The following CRYBG3 variants were observed in gnomAD, a reference collection of about 807,000 sequenced individuals.
CRYBG3 encodes crystallin beta-gamma domain containing 3.
A neutral mutation model predicts 244.2 loss-of-function variants in CRYBG3; 127 were observed. The ratio of observed to expected loss-of-function variants is 0.52; its 90% CI spans 0.45 to 0.60. The LOEUF (loss-of-function observed/expected upper bound fraction) is 0.60. Ranked by LOEUF, CRYBG3 falls within the 20% of genes least tolerant of loss-of-function variation. The probability of loss-of-function intolerance (pLI) is 0.00; values close to 1 mark genes in which losing one functional copy is unlikely to be tolerated. For missense variants in CRYBG3, 3,325 were observed against 3,442.5 expected, an observed-to-expected ratio of 0.97 and a Z score of 0.85; for synonymous variants, 1,132 against 1,195.8, an observed-to-expected ratio of 0.95 and a Z score of 1.10.
intron 11 of CRYBG3, among the ~76,000 whole-genome samples, chr3:97,894,629 G>C (rs528697315): frequency 6.6e-6 from 1 of 152,182 alleles, no homozygotes; most frequent in South Asian, 2.1e-4. Flanking sequence ...CTGAGTACAT[G>C]CTTATTGGAC....
In CRYBG3 at chr3:97,944,923, G is replaced by A; in HGVS notation, c.*1609G>A. ...ATTCTAAATGATACATTGGAATTGT[G>A]CCTTTTCTACCACACTGGATTAAAT... On this transcript the variant is annotated 3_prime_UTR_variant, in exon 22 of 22. Coordinates refer to ENST00000389622, the MANE Select transcript of CRYBG3 (RefSeq NM_153605.4). The A allele has an allele frequency of 3.8e-6, 1 of 263,908 alleles. No individual in the cohort carries two copies. The highest frequency in any genetic ancestry group is 7.1e-6 in the Non-Finnish European group (1 of 141,150). The allele number at this position is 263,908 out of a possible 1,614,324, so 16.3% of individuals were successfully genotyped here. A position where few individuals can be genotyped will look rare whatever the true frequency, so the allele number is the denominator to read the frequency against.
Position 97,855,696 on chromosome 3 carries a change from G to T in CRYBG3, c.217-8521G>T, listed in dbSNP as rs1001129313. On this transcript the variant is annotated intron_variant, in intron 2 of 21. Transcript: ENST00000389622. ...CAAAAGAGAGAAATTTTAAAGCTGG[G>T]CGTCCGGGGAAGACATCACATGTCG... is the stretch of plus-strand genomic sequence containing the variant. Among the ~76,000 whole-genome samples the T allele has an allele frequency of 2.0e-5, 3 of 152,134 alleles. No individual in the cohort carries two copies. The South Asian group carries it at 6.2e-4, about 31-fold the overall frequency.
chr3:97,936,440 G>C (rs942337367), intron 18 of CRYBG3, among the ~76,000 whole-genome samples: 3 of 152,062 alleles, frequency 2.0e-5, no homozygotes, highest in Admixed American at 1.3e-4. Flanking sequence ...CTAGGGGCAG[G>C]AGTGTGATTT....
In CRYBG3 at chr3:97,880,056, A is replaced by G. The variant is rs2039426898; in HGVS notation, c.6960A>G (p.Ser2320=). Reference sequence around the variant, plus strand: ...ACTGTAATATTCCTGATGCTACATCATGGTCTTTTCCAAATGGAGTTCTAA... The same window carrying G: ...ACTGTAATATTCCTGATGCTACATCGTGGTCTTTTCCAAATGGAGTTCTAA... ...EVYCNIPDAT[S]WSFPNGVLIK... is the part of the protein sequence containing the mutation. The change falls in exon 6 of 22, where the codon TCA becomes TCG. Residue 2320 remains serine (S), a synonymous_variant. Transcript: ENST00000389622. 6.2e-7 allele frequency: 1 copy of G among 1,602,136 alleles called. No homozygotes were observed. The highest frequency in any genetic ancestry group is 8.5e-7 in the Non-Finnish European group (1 of 1,172,474).
chr3:97,854,305 TTGCTTTGGCTA>T (rs1324135089), intron 2 of CRYBG3, among the ~76,000 whole-genome samples: 25 of 152,272 alleles, frequency 1.6e-4, no homozygotes, highest in African/African-American at 6.0e-4. Context: ...TTGCTTAGTC[TTGCTTTGGCTA>T]TGCTTTGGCT....
chr3:97,877,487 T>G lies in CRYBG3; in HGVS notation c.6293T>G (p.Ile2098Ser). 6.2e-7 allele frequency: 1 copy of G among 1,614,188 alleles called. No homozygotes were observed. ...IYEDDSSQEDILSSEVSPGHH... is the reference protein window; with the variant it reads ...IYEDDSSQEDSLSSEVSPGHH... ...GAGGATGACAGCTCACAGGAGGACA[T>G]TCTATCTAGTGAGGTTTCACCTGGT... is the stretch of plus-strand genomic sequence containing the variant. Residue 2098 changes from isoleucine to serine, a missense_variant, in exon 4 of 22, where the codon ATT becomes AGT. Coordinates refer to ENST00000389622, the MANE Select transcript of CRYBG3 (RefSeq NM_153605.4).
intron 1 of CRYBG3, among the ~76,000 whole-genome samples, chr3:97,839,230 A>G (rs1410511199): frequency 6.6e-6 from 1 of 152,130 alleles, no homozygotes; most frequent in Non-Finnish European, 1.5e-5. Context: ...GCTTGAGGTG[A>G]ACATGGTTCT....
rs1473936402 is a variant in CRYBG3, at chr3:97,888,332, T to C, written c.7290-9T>C. On this transcript the variant is annotated splice_polypyrimidine_tract_variant and intron_variant, in intron 8 of 21. Coordinates refer to ENST00000389622, the MANE Select transcript of CRYBG3 (RefSeq NM_153605.4). ...ATTATACTTTAACTAACTATCTATT[T>C]TTATATAGTTGGCTTGCCTACCCAG... 51 of 1,503,436 alleles carry C rather than the reference T, an allele frequency of 3.4e-5. No homozygotes were observed. The highest frequency in any genetic ancestry group is 4.7e-5 in the Non-Finnish European group (51 of 1,082,944). The allele number at this position is 1,503,436 out of a possible 1,614,324, so 93.1% of individuals were successfully genotyped here.
chr3:97,871,309 G>A (rs2039299416), intron 3 of CRYBG3, among the ~76,000 whole-genome samples: 1 of 152,208 alleles, frequency 6.6e-6, no homozygotes, highest in Admixed American at 6.5e-5. Context: ...TACATACTGA[G>A]TGTTTACTGT....
At chr3:97,886,911 T>C (rs1047863252) in intron 8 of CRYBG3, 144 bp downstream of exon 8, 2 of 648,646 alleles carry the variant, frequency 3.1e-6, no homozygotes, top group Non-Finnish European at 5.1e-6. Context: ...AAAGATTCTT[T>C]GGATCTAATT....
At chr3:97,924,036 AC>A (rs2040013534) in intron 17 of CRYBG3, among the ~76,000 whole-genome samples, 1 of 152,088 alleles carries the variant, frequency 6.6e-6, no homozygotes, top group Non-Finnish European at 1.5e-5. Flanking sequence ...CACTTATCCT[AC>A]CAAGTATATA....
In CRYBG3 at chr3:97,839,192, A is replaced by G. The variant is rs527711763; in HGVS notation, c.150-4003A>G. ...AAGGGGGTTAAATTGTGAGCAAACAATAGGAACAGATTGTGGTCTCTCATG... is the reference window on the plus strand; with the variant it reads ...AAGGGGGTTAAATTGTGAGCAAACAGTAGGAACAGATTGTGGTCTCTCATG... On this transcript the variant is annotated intron_variant, in intron 1 of 21. Coordinates refer to ENST00000389622, the MANE Select transcript of CRYBG3 (RefSeq NM_153605.4). Among the ~76,000 whole-genome samples, 35 of 152,298 alleles carry G rather than the reference A, an allele frequency of 2.3e-4. No individual in the cohort carries two copies. In the South Asian group the frequency reaches 6.0e-3, roughly 26 times the overall value.
At position 97,852,920 on chromosome 3, in the gene CRYBG3, A is replaced by C. The variant is rs142071841; in HGVS notation, c.216+9659A>C. On this transcript the variant is annotated intron_variant, in intron 2 of 21. Transcript: ENST00000389622. ...TGGTTTTGAAGTGCATTTCCTGGAT[A>C]ATTAGCAATGTTGAGCATTTTTCAT... Among the ~76,000 whole-genome samples, 278 of 152,260 alleles carry C rather than the reference A, an allele frequency of 1.8e-3. 2 individuals are homozygous for C. The highest frequency in any genetic ancestry group is 6.5e-3 in the African/African-American group (270 of 41,544).
rs190666654 is a variant in CRYBG3 at position 97,836,821 on chromosome 3, A to G, written c.150-6374A>G. On this transcript the variant is annotated intron_variant, in intron 1 of 21. Coordinates refer to ENST00000389622, the MANE Select transcript of CRYBG3 (RefSeq NM_153605.4). ...CGGTAGACATTTCTGCCTCTTTGTTATAATGCCCTCATACTAGTTTTGGTC... is the reference window on the plus strand; with the variant it reads ...CGGTAGACATTTCTGCCTCTTTGTTGTAATGCCCTCATACTAGTTTTGGTC... Among the ~76,000 whole-genome samples, 5 of 152,266 alleles carry G rather than the reference A, an allele frequency of 3.3e-5. No homozygotes were observed. In the East Asian group the frequency reaches 9.7e-4, roughly 30 times the overall value.
intron 7 of CRYBG3, among the ~76,000 whole-genome samples, chr3:97,886,052 A>G (rs1290919027): frequency 6.6e-6 from 1 of 152,186 alleles, no homozygotes; most frequent in East Asian, 1.9e-4. Context: ...GTAAAGGGTC[A>G]ATTTCATAAT....
intron 2 of CRYBG3, among the ~76,000 whole-genome samples, chr3:97,845,549 A>T (rs1003590622): frequency 9.9e-5 from 15 of 152,188 alleles, no homozygotes; most frequent in African/African-American, 3.4e-4. Context: ...ACATTTGATC[A>T]TTGTCTTGTA....
intron 6 of CRYBG3, among the ~76,000 whole-genome samples, chr3:97,880,567 T>C (rs753984007): frequency 4.6e-5 from 7 of 152,250 alleles, no homozygotes; most frequent in Non-Finnish European, 1.0e-4. Flanking sequence ...CTATTTATTA[T>C]GGACCATGAC....
chr3:97,858,208 AT>A (rs1447669465), intron 2 of CRYBG3, among the ~76,000 whole-genome samples: 33 of 143,240 alleles, frequency 2.3e-4, no homozygotes, highest in African/African-American at 6.2e-4. Flanking sequence ...ATATCAGTCT[AT>A]TCTTTTCTTG....
intron 10 of CRYBG3, among the ~76,000 whole-genome samples, chr3:97,891,862 T>C (rs2039580633): frequency 6.6e-6 from 1 of 152,160 alleles, no homozygotes; most frequent in Non-Finnish European, 1.5e-5. Flanking sequence ...GGTGTTTTTC[T>C]GCTAAAGCTT....
Sources: gnomAD v4.1 joint callset for allele counts (sites outside exome capture counted in the v4.1 genomes callset) on GRCh38, gnomAD v4.1.1 for gene constraint, MANE v1.5 for transcripts, NCBI Gene and HGNC (gene_info 2026-07-23, HGNC 2026-07-21) for gene names.